CAMK2D: variants seen among roughly 807,000 people sequenced by gnomAD.
CAMK2D encodes calcium/calmodulin dependent protein kinase II delta.
In CAMK2D, 37 loss-of-function variants were observed where a neutral mutation model predicts 84.0. That is an observed-to-expected ratio of 0.44 (90% CI 0.34 to 0.58). The LOEUF is 0.58. Ranked by LOEUF, CAMK2D falls within the 20% of genes least tolerant of loss-of-function variation. The pLI, the probability that CAMK2D is intolerant of heterozygous loss-of-function variation, is 0.02. For synonymous variants in CAMK2D, 202 were observed against 212.5 expected (o/e 0.95, Z 0.43); for missense variants, 448 against 652.5 (o/e 0.69, Z 3.41).
At chr4:113,564,376 G>A (rs2098712724) in intron 4 of CAMK2D, among the ~76,000 whole-genome samples, 1 of 152,032 alleles carries the variant, frequency 6.6e-6, no homozygotes, top group Admixed American at 6.6e-5. Flanking sequence ...GTAACGCCTA[G>A]CTAGGCAATC....
At chr4:113,503,256 A>G in intron 14 of CAMK2D, 1 of 655,822 alleles carries the variant, frequency 1.5e-6, no homozygotes, top group Non-Finnish European at 2.9e-6. Context: ...AGATCTGAAG[A>G]GGCACTCACT....
At chr4:113,591,611 G>A (rs2098884580) in intron 4 of CAMK2D, among the ~76,000 whole-genome samples, 1 of 152,154 alleles carries the variant, frequency 6.6e-6, no homozygotes, top group Non-Finnish European at 1.5e-5. Context: ...ACATTTTAAT[G>A]CAAGGATGGT....
At chr4:113,555,400 G>A (rs1337700749) in intron 4 of CAMK2D, among the ~76,000 whole-genome samples, 1 of 152,084 alleles carries the variant, frequency 6.6e-6, no homozygotes, top group Non-Finnish European at 1.5e-5. Flanking sequence ...GCTAAGGTAG[G>A]ACTGGGACTA....
intron 13 of CAMK2D, among the ~76,000 whole-genome samples, chr4:113,507,718 G>C (rs1297288445): frequency 2.6e-5 from 4 of 151,960 alleles, no homozygotes; most frequent in African/African-American, 9.7e-5. Flanking sequence ...ACTCTTATGA[G>C]GCATGGGCAA....
intron 7 of CAMK2D, 28 bp downstream of exon 7, chr4:113,537,313 G>A: frequency 8.6e-7 from 1 of 1,159,478 alleles, no homozygotes; most frequent in Non-Finnish European, 1.3e-6. Context: ...AAGACTATAG[G>A]TAGCATGAAG....
intron 6 of CAMK2D, among the ~76,000 whole-genome samples, chr4:113,545,466 G>A (rs555140153): frequency 2.0e-5 from 3 of 152,086 alleles, no homozygotes; most frequent in Admixed American, 6.5e-5. Context: ...TTTGTTTAAG[G>A]CCTGGTAATA....
chr4:113,573,272 C>A (rs1404224523), intron 4 of CAMK2D, among the ~76,000 whole-genome samples: 3 of 152,210 alleles, frequency 2.0e-5, no homozygotes, highest in African/African-American at 7.2e-5. Context: ...CACACACATA[C>A]AATCTCTAAG....
chr4:113,504,867 AAT>A, intron 14 of CAMK2D, 107 bp downstream of exon 14: 1 of 402,504 alleles, frequency 2.5e-6, no homozygotes, highest in Non-Finnish European at 4.2e-6. Flanking sequence ...CACCCAACGA[AAT>A]AAAATATTTA....
At chr4:113,459,963 C>G (rs1325848192) in intron 18 of CAMK2D, among the ~76,000 whole-genome samples, 184 bp downstream of exon 18, 1 of 152,040 alleles carries the variant, frequency 6.6e-6, no homozygotes, top group African/African-American at 2.4e-5. Flanking sequence ...TTAAAACACA[C>G]CAAAACTGTA....
At chr4:113,526,072 TC>T (rs1413508998) in intron 8 of CAMK2D, among the ~76,000 whole-genome samples, 1 of 152,144 alleles carries the variant, frequency 6.6e-6, no homozygotes, top group East Asian at 1.9e-4. Flanking sequence ...CAATTCCAAA[TC>T]CCACAACAAT....
At chr4:113,471,204 T>C (rs2097542759) in intron 16 of CAMK2D, among the ~76,000 whole-genome samples, 1 of 152,196 alleles carries the variant, frequency 6.6e-6, no homozygotes, top group African/African-American at 2.4e-5. Flanking sequence ...CAATTCTTTC[T>C]TTGTTTCCAT....
intron 2 of CAMK2D, chr4:113,753,779 T>G: frequency 1.0e-6 from 1 of 977,458 alleles, no homozygotes; most frequent in Non-Finnish European, 1.2e-6. Context: ...ATTTAGACTT[T>G]TTTTTTCGGT....
intron 2 of CAMK2D, among the ~76,000 whole-genome samples, chr4:113,667,576 A>G (rs2099262524): frequency 6.6e-6 from 1 of 152,196 alleles, no homozygotes; most frequent in Non-Finnish European, 1.5e-5. Flanking sequence ...GCATTTCTCT[A>G]GAAAGAATAT....
intron 4 of CAMK2D, among the ~76,000 whole-genome samples, chr4:113,566,266 A>C (rs1416050810): frequency 6.6e-6 from 1 of 152,184 alleles, no homozygotes; most frequent in Non-Finnish European, 1.5e-5. Context: ...TGAATGTTCA[A>C]TTCTTTGTAC....
At chr4:113,618,455 A>C (rs532556450) in intron 3 of CAMK2D, among the ~76,000 whole-genome samples, 2 of 152,186 alleles carry the variant, frequency 1.3e-5, no homozygotes, top group East Asian at 3.9e-4. Flanking sequence ...TTCCCTAGAG[A>C]CTCATTAGCC....
chr4:113,640,530 G>C (rs569227049), intron 3 of CAMK2D, among the ~76,000 whole-genome samples: 1 of 152,284 alleles, frequency 6.6e-6, no homozygotes, highest in South Asian at 2.1e-4. Flanking sequence ...AGATGATTAG[G>C]TAAATAGTCC....
intron 16 of CAMK2D, among the ~76,000 whole-genome samples, chr4:113,493,553 T>C (rs1421963634): frequency 6.6e-6 from 1 of 152,180 alleles, no homozygotes; most frequent in Non-Finnish European, 1.5e-5. Context: ...TGACCCGACC[T>C]TTCTCTCTGG....
At chr4:113,551,255 T>C (rs1560907288) in intron 5 of CAMK2D, among the ~76,000 whole-genome samples, 1 of 152,220 alleles carries the variant, frequency 6.6e-6, no homozygotes, top group African/African-American at 2.4e-5. Context: ...AGTGTTGCCT[T>C]GGATAGCCTA....
In CAMK2D at chr4:113,527,013, A is replaced by G. The variant is rs190943145; in HGVS notation, c.601+4203T>C. On this transcript the variant is annotated intron_variant, in intron 8 of 20. Coordinates refer to ENST00000511664, the MANE Select transcript of CAMK2D (RefSeq NM_001321571.2). ...AGTCTGTGGTGCCATTTTCCTAACA[A>G]CTTGGGTTCACTTTGTGTCTCTGTG... Among the ~76,000 whole-genome samples, 139 of 151,304 alleles carry G rather than the reference A, an allele frequency of 9.2e-4. 2 individuals are homozygous for G. The highest frequency in any genetic ancestry group is 3.1e-3 in the African/African-American group (128 of 41,218).
Sources: allele counts gnomAD v4.1 joint callset (sites outside exome capture counted in the v4.1 genomes callset), GRCh38; gene constraint gnomAD v4.1.1; transcripts MANE v1.5; gene names NCBI Gene and HGNC (gene_info 2026-07-23, HGNC 2026-07-21).